MON2: variants seen among roughly 807,000 people sequenced by gnomAD.
MON2 encodes protein MON2 homolog.
Under a neutral mutation model 208.6 loss-of-function variants are expected in MON2, and 84 were observed. The ratio of observed to expected loss-of-function variants is 0.40; its 90% CI spans 0.34 to 0.48. MON2 has a LOEUF of 0.48. MON2 is among the 20% of genes least tolerant of loss of function. The pLI, the probability that MON2 is intolerant of heterozygous loss-of-function variation, is 0.59. For missense variants in MON2, 1,611 were observed against 2,015.4 expected (o/e 0.80, Z 3.84); for synonymous variants, 660 against 694.0 (o/e 0.95, Z 0.77).
Position 62,553,126 on chromosome 12 carries a change from G to A in MON2, c.3162G>A (p.Ala1054=), listed in dbSNP as rs779665304. The change falls in exon 24 of 35, where the codon GCG becomes GCA. Residue 1054 remains alanine (A), a synonymous_variant. Transcript: ENST00000393630. ...AAACTCTGTTTTCTACAATTGGTGC[G>A]CATGGAACTTTATTACAGCATTCAA... ...AGQTLFSTIG[A]HGTLLQHSTW... 1.5e-5 allele frequency: 24 copies of A among 1,614,004 alleles called. No homozygotes were observed. Among genetic ancestry groups the A allele is most frequent in the African/African-American group, 6.7e-5 (5 of 74,906 alleles).
At position 62,566,568 on chromosome 12, in the gene MON2, T is replaced by C. The variant is rs1280359978; in HGVS notation, c.4323+118T>C. 3 of 1,059,144 alleles carry C rather than the reference T, an allele frequency of 2.8e-6. No homozygotes were observed. The African/African-American group carries it at 5.0e-5, about 18-fold the overall frequency. The allele number at this position is 1,059,144 out of a possible 1,614,324, so 65.6% of individuals were successfully genotyped here. On this transcript the variant is annotated intron_variant, in intron 29 of 34. Coordinates refer to ENST00000393630, the MANE Select transcript of MON2 (RefSeq NM_015026.3). ...ATAGAAAATACAATTTGTAGTATTA[T>C]TTGTAATGACTTTTCTCCAATATTC...
chr12:62,560,841 AG>A lies in MON2; in HGVS notation c.3761del (p.Ser1254IlefsTer11). 1 of 1,614,168 alleles carries A rather than the reference AG, an allele frequency of 6.2e-7. No homozygotes were observed. The highest frequency in any genetic ancestry group is 8.5e-7 in the Non-Finnish European group (1 of 1,180,016). ...TACCTGGTATAGAATTGGATCTGAA[AG>A]TACTAAGCCTCCTATTACTTTTGAT... is the stretch of plus-strand genomic sequence containing the variant. Reference protein sequence around the residue: ...WNTWYRIGSESTKPPITFDKL... With the variant: ...WNTWYRIGSEXTKPPITFDKL... On this transcript the variant is annotated frameshift_variant, in exon 26 of 35. Coordinates refer to ENST00000393630, the MANE Select transcript of MON2 (RefSeq NM_015026.3). LOFTEE classifies it high-confidence loss of function.
At chr12:62,530,335 A>T (rs2072569586) in intron 11 of MON2, among the ~76,000 whole-genome samples, 1 of 147,450 alleles carries the variant, frequency 6.8e-6, no homozygotes, top group Non-Finnish European at 1.5e-5. Context: ...GGTTCATGCC[A>T]TTCTCCTGCC....
intron 15 of MON2, 147 bp downstream of exon 15, chr12:62,537,410 C>T: frequency 1.5e-6 from 1 of 678,710 alleles, no homozygotes; most frequent in South Asian, 2.1e-5. Flanking sequence ...CTAGTTTATG[C>T]AGTTGACATT....
chr12:62,558,820 CT>C (rs1348170132), intron 25 of MON2, among the ~76,000 whole-genome samples: 1 of 151,624 alleles, frequency 6.6e-6, no homozygotes, highest in Non-Finnish European at 1.5e-5. Flanking sequence ...GCCTCGGCCT[CT>C]GAGTAGCTGG....
rs113049993 is a variant in MON2 at position 62,541,170 on chromosome 12, C to T, written c.2365-1927C>T. Among the ~76,000 whole-genome samples, 102 of 152,104 alleles carry T rather than the reference C, an allele frequency of 6.7e-4. 1 individual carries two copies. The highest frequency in any genetic ancestry group is 3.4e-3 in the Middle Eastern group (1 of 294). ...GCTGAGGTGGGCGGATCACCTGAGG[C>T]CAGGAGTTTGTGACCAGCCTGGCCA... On this transcript the variant is annotated intron_variant, in intron 19 of 34. Transcript: ENST00000393630.
intron 7 of MON2, among the ~76,000 whole-genome samples, chr12:62,504,046 C>G (rs559117191): frequency 3.3e-5 from 5 of 152,038 alleles, no homozygotes; most frequent in African/African-American, 1.2e-4. Flanking sequence ...AAGATAAACT[C>G]TATGAGGCAG....
Position 62,467,152 on chromosome 12 carries a change from G to T in MON2, c.-56G>T. 2.7e-6 allele frequency: 4 copies of T among 1,479,868 alleles called. No individual in the cohort carries two copies. The South Asian group carries it at 4.6e-5, about 17-fold the overall frequency. The allele number at this position is 1,479,868 out of a possible 1,614,324, so 91.7% of individuals were successfully genotyped here. ...GAGCTGCCTGTGGCCCTAAGGAGCT[G>T]ACCGTGCCAGAGCTTGTTTGTACCT... is the stretch of plus-strand genomic sequence containing the variant. On this transcript the variant is annotated 5_prime_UTR_variant, in exon 1 of 35. Coordinates refer to ENST00000393630, the MANE Select transcript of MON2 (RefSeq NM_015026.3).
chr12:62,590,673 A>G (rs1354152444), intron 34 of MON2, among the ~76,000 whole-genome samples: 2 of 152,180 alleles, frequency 1.3e-5, no homozygotes, highest in African/African-American at 2.4e-5. Flanking sequence ...TTTGTACACA[A>G]TGAATTTTGT....
At position 62,534,518 on chromosome 12, in the gene MON2, CAAAAAAAAAA is replaced by C. The variant is rs869145698; in HGVS notation, c.1634-311_1634-302del. Among the ~76,000 whole-genome samples the C allele has an allele frequency of 4.3e-3, 288 of 67,390 alleles. 20 individuals carry two copies. Among genetic ancestry groups the C allele is most frequent in the East Asian group, 0.014 (25 of 1,782 alleles). 44.2% of individuals were successfully genotyped at this position (67,390 alleles called of 152,430 possible). On this transcript the variant is annotated intron_variant, in intron 12 of 34. Transcript: ENST00000393630. Reference sequence around the variant, plus strand: ...TGGGCAACAGAGCAAGACTCCATCGCAAAAAAAAAAAAAAAAAAAAAAAAATATATATATA... The same window carrying C: ...TGGGCAACAGAGCAAGACTCCATCGCAAAAAAAAAAAAAAATATATATATA...
intron 8 of MON2, among the ~76,000 whole-genome samples, chr12:62,520,768 A>C (rs917183905): frequency 1.3e-5 from 2 of 151,026 alleles, no homozygotes; most frequent in Admixed American, 1.3e-4. Flanking sequence ...CTACTAAAAA[A>C]TACAAAAAAT....
chr12:62,492,206 A>T (rs571478203), intron 2 of MON2, among the ~76,000 whole-genome samples: 38 of 152,334 alleles, frequency 2.5e-4, no homozygotes, highest in African/African-American at 7.9e-4. Flanking sequence ...GAAGGTGAGG[A>T]TTTAAATGAT....
At chr12:62,570,912 A>T (rs985810902) in intron 29 of MON2, among the ~76,000 whole-genome samples, 1 of 151,080 alleles carries the variant, frequency 6.6e-6, no homozygotes, top group South Asian at 2.1e-4. Flanking sequence ...TTGTATTTTT[A>T]GTAGAGATGA....
intron 8 of MON2, among the ~76,000 whole-genome samples, chr12:62,510,526 G>A (rs2071341338): frequency 6.6e-6 from 1 of 152,088 alleles, no homozygotes; most frequent in Non-Finnish European, 1.5e-5. Flanking sequence ...AAGAATGAAG[G>A]TTAAAAACTA....
At chr12:62,507,902 G>A (rs2071187593) in intron 7 of MON2, among the ~76,000 whole-genome samples, 1 of 151,974 alleles carries the variant, frequency 6.6e-6, no homozygotes, top group African/African-American at 2.4e-5. Flanking sequence ...CCAAATTGCT[G>A]GGACTACTGG....
intron 25 of MON2, among the ~76,000 whole-genome samples, chr12:62,557,931 TATATATATATATATATATA>T (rs2074032925): frequency 2.7e-5 from 1 of 36,882 alleles, no homozygotes; most frequent in African/African-American, 1.2e-4. Flanking sequence ...AATAGATTTA[TATATATATATATATATATA>T]TATATATATA....
In MON2 at chr12:62,486,601, C is replaced by A. The variant is rs1475254417; in HGVS notation, c.175+2368C>A. ...AAGTTGTAGATTTATAGACCACTAT[C>A]ATCTTGAAAATCAGAGGCTCTTCAA... On this transcript the variant is annotated intron_variant, in intron 2 of 34. Coordinates refer to ENST00000393630, the MANE Select transcript of MON2 (RefSeq NM_015026.3). 2.6e-5 allele frequency among the ~76,000 whole-genome samples: 4 copies of A among 152,224 alleles called. No individual in the cohort carries two copies. In the East Asian group the frequency reaches 7.7e-4, roughly 29 times the overall value.
chr12:62,472,086 A>C (rs1278022749), intron 1 of MON2, among the ~76,000 whole-genome samples: 1 of 152,236 alleles, frequency 6.6e-6, no homozygotes, highest in African/African-American at 2.4e-5. Flanking sequence ...TGGAACACTT[A>C]AGAGTCTTAG....
At chr12:62,513,551 T>C (rs2071525586) in intron 8 of MON2, among the ~76,000 whole-genome samples, 1 of 151,972 alleles carries the variant, frequency 6.6e-6, no homozygotes, top group East Asian at 1.9e-4. Flanking sequence ...TATTGCATTG[T>C]CAGGCTGCAA....
Sources: allele counts gnomAD v4.1 joint callset (sites outside exome capture counted in the v4.1 genomes callset), GRCh38; gene constraint gnomAD v4.1.1; transcripts MANE v1.5; gene names NCBI Gene and HGNC (gene_info 2026-07-23, HGNC 2026-07-21).